ARHGAP42: variants seen among roughly 807,000 people sequenced by gnomAD.
ARHGAP42 encodes the protein Rho GTPase activating protein 42.
A neutral mutation model predicts 125.0 loss-of-function variants in ARHGAP42; 63 were observed. That is an observed-to-expected ratio of 0.50 (90% CI 0.41 to 0.62). The LOEUF (loss-of-function observed/expected upper bound fraction) is 0.62. Ranked by LOEUF, ARHGAP42 falls within the 20% of genes least tolerant of loss-of-function variation. The pLI is 0.00. For missense variants in ARHGAP42, 766 were observed against 1,024.2 expected, an observed-to-expected ratio of 0.75 and a Z score of 3.44; for synonymous variants, 339 against 351.0, an observed-to-expected ratio of 0.97 and a Z score of 0.38.
intron 10 of ARHGAP42, among the ~76,000 whole-genome samples, chr11:100,946,053 T>C (rs200217764): frequency 1.3e-5 from 2 of 152,144 alleles, no homozygotes; most frequent in East Asian, 3.9e-4. Context: ...TCTGTATAAC[T>C]TGCTGCAGCT....
intron 16 of ARHGAP42, 93 bp from the exon 17 acceptor site, chr11:100,965,578 T>C: frequency 9.9e-7 from 1 of 1,006,816 alleles, no homozygotes; most frequent in South Asian, 1.4e-5. Flanking sequence ...GCATGAGGGG[T>C]AGGAGTGGTA....
chr11:100,710,309 T>C (rs568759320), intron 1 of ARHGAP42, among the ~76,000 whole-genome samples: 5 of 151,292 alleles, frequency 3.3e-5, no homozygotes, highest in African/African-American at 9.7e-5. Context: ...CTCACTGTAA[T>C]CTCCACCTCC....
At chr11:100,772,042 A>T (rs1025232561) in intron 2 of ARHGAP42, among the ~76,000 whole-genome samples, 1 of 152,144 alleles carries the variant, frequency 6.6e-6, no homozygotes, top group African/African-American at 2.4e-5. Context: ...CCACAATCAC[A>T]TTCCTCTTCT....
rs535543046 is a variant in ARHGAP42 at position 100,988,630 on chromosome 11, G to A, written c.2537-83G>A. 3.6e-5 allele frequency: 41 copies of A among 1,125,606 alleles called. No homozygotes were observed. In the African/African-American group the frequency reaches 4.0e-4, roughly 11 times the overall value. 69.7% of individuals were successfully genotyped at this position (1,125,606 alleles called of 1,614,324 possible). On this transcript the variant is annotated intron_variant, in intron 23 of 23. Coordinates refer to ENST00000298815, the MANE Select transcript of ARHGAP42 (RefSeq NM_152432.4). The stretch of plus-strand genomic sequence containing the variant: ...CACAGATACTGAGGACTGACAATCC[G>A]ATGTGGGTGTTTAACCCATCTGTTT...
intron 4 of ARHGAP42, among the ~76,000 whole-genome samples, chr11:100,889,526 T>C (rs1357999006): frequency 2.0e-5 from 3 of 152,192 alleles, no homozygotes. Flanking sequence ...AATAAACTTC[T>C]GTTCTTTATA....
intron 17 of ARHGAP42, among the ~76,000 whole-genome samples, chr11:100,966,191 T>C (rs1858089782): frequency 1.3e-5 from 2 of 152,170 alleles, no homozygotes; most frequent in South Asian, 4.1e-4. Context: ...TCCCTCCATG[T>C]ATTCATGATT....
At chr11:100,825,658 A>G (rs1487380536) in intron 3 of ARHGAP42, among the ~76,000 whole-genome samples, 1 of 152,082 alleles carries the variant, frequency 6.6e-6, no homozygotes, top group Non-Finnish European at 1.5e-5. Flanking sequence ...CATGGATGAG[A>G]TGACTCTGTA....
chr11:100,789,446 G>A (rs867484018), intron 2 of ARHGAP42, among the ~76,000 whole-genome samples: 5 of 152,178 alleles, frequency 3.3e-5, no homozygotes, highest in South Asian at 2.1e-4. Flanking sequence ...TTGCAAGATC[G>A]TAGACAGTTT....
chr11:100,962,101 T>C (rs917584219), intron 15 of ARHGAP42, among the ~76,000 whole-genome samples: 1 of 152,190 alleles, frequency 6.6e-6, no homozygotes, highest in African/African-American at 2.4e-5. Flanking sequence ...TTTTAACTAT[T>C]GTTCCCATAT....
intron 1 of ARHGAP42, among the ~76,000 whole-genome samples, chr11:100,727,555 T>C (rs1439520274): frequency 2.0e-5 from 3 of 152,126 alleles, no homozygotes; most frequent in Non-Finnish European, 4.4e-5. Flanking sequence ...GGGAGAGGGC[T>C]GGAGATCGAG....
chr11:100,785,291 A>G (rs1171156845), intron 2 of ARHGAP42, among the ~76,000 whole-genome samples: 1 of 152,188 alleles, frequency 6.6e-6, no homozygotes, highest in Non-Finnish European at 1.5e-5. Context: ...AACTTCTCTC[A>G]CAGAATCAGG....
chr11:100,907,903 A>C (rs1046226474), intron 4 of ARHGAP42, among the ~76,000 whole-genome samples: 1 of 152,196 alleles, frequency 6.6e-6, no homozygotes, highest in Non-Finnish European at 1.5e-5. Flanking sequence ...ATTGGTTTTT[A>C]CTATTACTTA....
intron 1 of ARHGAP42, among the ~76,000 whole-genome samples, chr11:100,716,471 C>T (rs530700672): frequency 8.5e-5 from 13 of 152,216 alleles, no homozygotes; most frequent in South Asian, 4.1e-4. Flanking sequence ...CTTCAGAAAA[C>T]GAACCAATAG....
intron 4 of ARHGAP42, among the ~76,000 whole-genome samples, chr11:100,900,296 C>T (rs893906218): frequency 2.6e-5 from 4 of 152,314 alleles, no homozygotes; most frequent in Admixed American, 2.0e-4. Context: ...TGATGGGCTT[C>T]CCTTAGTGGG....
chr11:100,784,240 A>G (rs1327197369), intron 2 of ARHGAP42, among the ~76,000 whole-genome samples: 2 of 152,354 alleles, frequency 1.3e-5, no homozygotes, highest in East Asian at 3.9e-4. Context: ...ACTAAGTTAC[A>G]TAGGCACGTA....
At chr11:100,732,844 A>C (rs928050078) in intron 1 of ARHGAP42, among the ~76,000 whole-genome samples, 1 of 152,218 alleles carries the variant, frequency 6.6e-6, no homozygotes, top group Non-Finnish European at 1.5e-5. Context: ...GATTCTTTCT[A>C]TGCTACTCAG....
In ARHGAP42 at chr11:100,933,242, G is replaced by T; in HGVS notation, c.684G>T (p.Leu228=). 1.3e-6 allele frequency: 2 copies of T among 1,549,744 alleles called. No individual in the cohort carries two copies. The highest frequency in any genetic ancestry group is 1.7e-6 in the Non-Finnish European group (2 of 1,145,624). ...AQEFAPYKQQ[L]QFNLQNTRNN... is the part of the protein sequence containing the mutation. ...AATTTGCACCGTATAAGCAACAGCTGCAGTTCAACTTGCAGAATGTAAGAG... is the reference window on the plus strand; with the variant it reads ...AATTTGCACCGTATAAGCAACAGCTTCAGTTCAACTTGCAGAATGTAAGAG... The change falls in exon 7 of 24, where the codon CTG becomes CTT. Residue 228 remains leucine, a synonymous_variant. Transcript: ENST00000298815.
At chr11:100,740,741 T>C (rs1862166655) in intron 1 of ARHGAP42, among the ~76,000 whole-genome samples, 1 of 152,192 alleles carries the variant, frequency 6.6e-6, no homozygotes, top group South Asian at 2.1e-4. Flanking sequence ...TCTCCTGTTG[T>C]TGAGTGTCAG....
chr11:100,714,391 GTGT>G (rs1861618308), intron 1 of ARHGAP42, among the ~76,000 whole-genome samples: 2 of 13,056 alleles, frequency 1.5e-4, no homozygotes, highest in Admixed American at 9.7e-4. Flanking sequence ...ATAAAAATTT[GTGT>G]GTGTGTGTGT....
Sources: gnomAD v4.1 joint callset for allele counts (sites outside exome capture counted in the v4.1 genomes callset) on GRCh38, gnomAD v4.1.1 for gene constraint, MANE v1.5 for transcripts, NCBI Gene and HGNC (gene_info 2026-07-23, HGNC 2026-07-21) for gene names.